Variants in ITGA11 observed in about 807,000 individuals in gnomAD.
The protein encoded by ITGA11 is integrin alpha-11.
Under a neutral mutation model 141.9 loss-of-function variants are expected in ITGA11, and 97 were observed. The ratio of observed to expected loss-of-function variants is 0.68; its 90% CI spans 0.58 to 0.81. ITGA11 has a LOEUF of 0.81. Among genes scored for constraint, ITGA11 ranks in the 30% least tolerant of loss-of-function variants. The probability of loss-of-function intolerance (pLI) is 0.00; values close to 1 mark genes in which losing one functional copy is unlikely to be tolerated. For synonymous variants in ITGA11, 658 were observed against 624.6 expected, an observed-to-expected ratio of 1.05 and a Z score of -0.80; for missense variants, 1,387 against 1,559.2, an observed-to-expected ratio of 0.89 and a Z score of 1.86.
intron 16 of ITGA11, among the ~76,000 whole-genome samples, chr15:68,327,577 C>A (rs1241232639): frequency 6.6e-6 from 1 of 152,124 alleles, no homozygotes; most frequent in Non-Finnish European, 1.5e-5. Context: ...CTGAGACCAC[C>A]TGGGGCCAGG....
intron 2 of ITGA11, among the ~76,000 whole-genome samples, chr15:68,399,126 GC>G (rs1380164360): frequency 6.6e-6 from 1 of 151,678 alleles, no homozygotes; most frequent in East Asian, 1.9e-4. Context: ...AAACAATCTT[GC>G]CAAAGAAAAA....
chr15:68,343,414 G>A (rs769686948), intron 10 of ITGA11, among the ~76,000 whole-genome samples: 14 of 152,156 alleles, frequency 9.2e-5, no homozygotes, highest in South Asian at 2.1e-4. Flanking sequence ...GCCTTGATTC[G>A]ATTTCACAAA....
intron 22 of ITGA11, among the ~76,000 whole-genome samples, chr15:68,314,750 A>G (rs1442691303): frequency 6.6e-6 from 1 of 152,220 alleles, no homozygotes; most frequent in African/African-American, 2.4e-5. Flanking sequence ...GTGGTGTGTG[A>G]GAATTCTACC....
chr15:68,329,896 C>A (rs1429444392), intron 15 of ITGA11, among the ~76,000 whole-genome samples: 1 of 152,214 alleles, frequency 6.6e-6, no homozygotes, highest in African/African-American at 2.4e-5. Context: ...GCTGGGGCAC[C>A]ACCGGGACTG....
In ITGA11 at chr15:68,322,261, A is replaced by G. The variant is rs1893837236; in HGVS notation, c.2323-758T>C. 1.3e-5 allele frequency among the ~76,000 whole-genome samples: 2 copies of G among 152,176 alleles called. No homozygotes were observed. The highest frequency in any genetic ancestry group is 1.3e-4 in the Admixed American group (2 of 15,282). On this transcript the variant is annotated intron_variant, in intron 18 of 29. Coordinates refer to ENST00000315757, the MANE Select transcript of ITGA11 (RefSeq NM_001004439.2). This position sits in a 1 kb window ranked among gnomAD's most constrained non-coding sequence, Gnocchi z 5.6. ...TCCTTGCAACTGGTAGGAGTCGCCG[A>G]ATGCCTCAGGCAGGGAATGTCCTGA...
intron 10 of ITGA11, among the ~76,000 whole-genome samples, chr15:68,344,867 G>A (rs953332487): frequency 3.3e-5 from 5 of 152,190 alleles, no homozygotes. Context: ...TGATAAAACT[G>A]CTTCCTTCTG....
At chr15:68,425,049 A>G (rs1897110258) in intron 1 of ITGA11, among the ~76,000 whole-genome samples, 1 of 152,186 alleles carries the variant, frequency 6.6e-6, no homozygotes, top group Non-Finnish European at 1.5e-5. Context: ...ACCGCGCTTT[A>G]TCTAATTTGG....
chr15:68,370,515 C>T (rs1009092268), intron 2 of ITGA11, among the ~76,000 whole-genome samples: 11 of 152,234 alleles, frequency 7.2e-5, no homozygotes, highest in Non-Finnish European at 1.2e-4. Context: ...TTCTGACCTG[C>T]CCACTGGGTC....
At chr15:68,349,774 A>G (rs548778417) in intron 9 of ITGA11, among the ~76,000 whole-genome samples, 87 of 152,290 alleles carry the variant, frequency 5.7e-4, no homozygotes, top group African/African-American at 2.0e-3. Context: ...ACAAGGAGAG[A>G]GGCAATCTGA....
chr15:68,338,941 G>A (rs575878293), intron 11 of ITGA11, among the ~76,000 whole-genome samples: 5 of 152,342 alleles, frequency 3.3e-5, no homozygotes, highest in Admixed American at 2.6e-4. Flanking sequence ...GGGATGGCCA[G>A]GTGACTGCTC....
chr15:68,410,596 C>T (rs549580216), intron 1 of ITGA11, among the ~76,000 whole-genome samples: 1 of 152,338 alleles, frequency 6.6e-6, no homozygotes, highest in South Asian at 2.1e-4. Flanking sequence ...TGTTTCGTAT[C>T]CTCTGCATTG....
At chr15:68,309,357 A>T (rs1893304502) in intron 26 of ITGA11, among the ~76,000 whole-genome samples, 1 of 152,234 alleles carries the variant, frequency 6.6e-6, no homozygotes, top group Non-Finnish European at 1.5e-5. Context: ...TGGCTGGGAA[A>T]ATGTCACCAG....
intron 2 of ITGA11, among the ~76,000 whole-genome samples, chr15:68,373,095 G>A (rs1370841148): frequency 1.3e-5 from 2 of 152,080 alleles, no homozygotes; most frequent in African/African-American, 2.4e-5. Flanking sequence ...TCCCTGTGGT[G>A]TGTGTACCCC....
intron 12 of ITGA11, among the ~76,000 whole-genome samples, chr15:68,334,638 G>A (rs1056031718): frequency 1.3e-5 from 2 of 151,922 alleles, no homozygotes; most frequent in African/African-American, 2.4e-5. Flanking sequence ...CGGACAGACA[G>A]CAAGTGAGGG....
intron 2 of ITGA11, among the ~76,000 whole-genome samples, chr15:68,389,190 C>T (rs1247108665): frequency 1.3e-5 from 2 of 152,226 alleles, no homozygotes; most frequent in Non-Finnish European, 2.9e-5. Context: ...CCCCCACAGC[C>T]TCATGCTGTT....
intron 15 of ITGA11, among the ~76,000 whole-genome samples, chr15:68,330,470 A>G (rs1894117344): frequency 6.7e-6 from 1 of 149,012 alleles, no homozygotes; most frequent in Non-Finnish European, 1.5e-5. Context: ...AACATATATG[A>G]AAAAATACTC....
At chr15:68,357,028 T>C (rs1386446136) in intron 7 of ITGA11, 123 bp downstream of exon 7, 7 of 924,268 alleles carry the variant, frequency 7.6e-6, no homozygotes, top group Non-Finnish European at 9.5e-6. Context: ...TCCAGAATTT[T>C]GAGGAATTAA....
chr15:68,409,615 C>G (rs896608288), intron 1 of ITGA11, among the ~76,000 whole-genome samples: 10 of 151,526 alleles, frequency 6.6e-5, no homozygotes, highest in African/African-American at 2.2e-4. Flanking sequence ...GATACTCTAC[C>G]TATCAGTACT....
rs561868586 is a variant in ITGA11 at position 68,339,702 on chromosome 15, G to A, written c.1132-58C>T. ...TGTCCTCATGGGCCAGTTGCCAGGA[G>A]CCACATCAGGTCCTATGACCAGTGA... On this transcript the variant is annotated intron_variant, in intron 10 of 29. Transcript: ENST00000315757. 85 of 1,601,266 alleles carry A rather than the reference G, an allele frequency of 5.3e-5. No individual in the cohort carries two copies. In the South Asian group the frequency reaches 8.4e-4, roughly 16 times the overall value.
Sources: allele counts gnomAD v4.1 joint callset (sites outside exome capture counted in the v4.1 genomes callset), GRCh38; gene constraint gnomAD v4.1.1; non-coding constraint Gnocchi (gnomAD v3.1); transcripts MANE v1.5; gene names NCBI Gene and HGNC (gene_info 2026-07-23, HGNC 2026-07-21).